The following RIOK1 variants were observed in gnomAD, a reference collection of about 807,000 sequenced individuals.
The protein encoded by RIOK1 is serine/threonine-protein kinase RIO1.
Under a neutral mutation model 73.5 loss-of-function variants are expected in RIOK1, and 66 were observed. The observed-to-expected ratio is 0.90, with a 90% confidence interval of 0.74 to 1.10. The LOEUF (loss-of-function observed/expected upper bound fraction) is 1.10. Among genes scored for constraint, RIOK1 ranks in the 50% least tolerant of loss-of-function variants. The pLI, the probability that RIOK1 is intolerant of heterozygous loss-of-function variation, is 0.00. For missense variants in RIOK1, 658 were observed against 699.8 expected (o/e 0.94, Z 0.67); for synonymous variants, 224 against 226.8 (o/e 0.99, Z 0.11).
rs1761885349 is a variant in RIOK1 at position 7,411,645 on chromosome 6, G to T, written c.1389+194G>T. 3.0e-5 allele frequency: 16 copies of T among 529,878 alleles called. No individual in the cohort carries two copies. In the South Asian group the frequency reaches 3.2e-4, roughly 11 times the overall value. The allele number at this position is 529,878 out of a possible 1,614,324, so 32.8% of individuals were successfully genotyped here. A position where few individuals can be genotyped will look rare whatever the true frequency, so the allele number is the denominator to read the frequency against. On this transcript the variant is annotated intron_variant, in intron 14 of 16. Coordinates refer to ENST00000379834, the MANE Select transcript of RIOK1 (RefSeq NM_031480.3). Reference sequence around the variant, plus strand: ...AATTATTTGGAATTTATGAGAGGAGGTAACACATTTGAATGAATCCAACAA... The same window carrying T: ...AATTATTTGGAATTTATGAGAGGAGTTAACACATTTGAATGAATCCAACAA...
At chr6:7,416,191 TACTC>T (rs1761995620) in intron 16 of RIOK1, among the ~76,000 whole-genome samples, 1 of 152,256 alleles carries the variant, frequency 6.6e-6, no homozygotes, top group African/African-American at 2.4e-5. Context: ...CTGAGGGACA[TACTC>T]AGCTGCTAGC....
At chr6:7,404,639 TCACAC>T in intron 10 of RIOK1, 84 bp downstream of exon 10, 2 of 1,489,888 alleles carry the variant, frequency 1.3e-6, no homozygotes, top group Non-Finnish European at 1.8e-6. Flanking sequence ...ATCCAAGAAG[TCACAC>T]TAACTTCTGA....
rs1270339125 is a variant in RIOK1 at position 7,409,817 on chromosome 6, CT to C, written c.1204-568del. Among the ~76,000 whole-genome samples the C allele has an allele frequency of 2.7e-5, 4 of 148,494 alleles. No individual in the cohort carries two copies. The East Asian group carries it at 8.0e-4, about 30-fold the overall frequency. On this transcript the variant is annotated intron_variant, in intron 12 of 16. Transcript: ENST00000379834. Reference sequence around the variant, plus strand: ...ACTCAAAAAAAAAAAAAAAAAAAACCTCTGCTCCCACTATTTTTTCCTTTCT... The same window carrying C: ...ACTCAAAAAAAAAAAAAAAAAAAACCCTGCTCCCACTATTTTTTCCTTTCT...
At position 7,405,024 on chromosome 6, in the gene RIOK1, G is replaced by C. The variant is rs1176659830; in HGVS notation, c.1096+3G>C. The C allele has an allele frequency of 1.2e-6, 2 of 1,610,948 alleles. No homozygotes were observed. Among genetic ancestry groups the C allele is most frequent in the Non-Finnish European group, 1.7e-6 (2 of 1,177,550 alleles). ...AAAGGATTGCGCCAACGTCAATGGT[G>C]AGTAGAAACGGCAATTTTCGAAACA... On this transcript the variant is annotated splice_donor_region_variant and intron_variant, in intron 11 of 16. Transcript: ENST00000379834.
At chr6:7,408,964 A>G (rs1481636533) in intron 12 of RIOK1, among the ~76,000 whole-genome samples, 1 of 151,678 alleles carries the variant, frequency 6.6e-6, no homozygotes, top group African/African-American at 2.4e-5. Flanking sequence ...CAGGTGATCC[A>G]TCCGCCTCGG....
At chr6:7,407,487 C>CTTT (rs759245691) in intron 12 of RIOK1, among the ~76,000 whole-genome samples, 12 of 140,312 alleles carry the variant, frequency 8.6e-5, no homozygotes, top group African/African-American at 2.1e-4. Flanking sequence ...GGAGAAATGT[C>CTTT]TTTTTTTTTT....
chr6:7,402,608 T>C lies in RIOK1; in HGVS notation c.579T>C (p.Asn193=), dbSNP rs1452924347. 3 of 1,592,000 alleles carry C rather than the reference T, an allele frequency of 1.9e-6. No individual in the cohort carries two copies. The highest frequency in any genetic ancestry group is 2.2e-5 in the East Asian group (1 of 44,744). The change falls in exon 7 of 17, where the codon AAT becomes AAC. Residue 193 remains asparagine (N), a synonymous_variant. Transcript: ENST00000379834. The part of the protein sequence containing the change: ...NGCISTGKEA[N]VYHASTANGE... The stretch of plus-strand genomic sequence containing the variant: ...TTTTTTTTGACTTAATATAGGCTAA[T>C]GTATACCATGCTAGCACAGCAAATG...
At chr6:7,393,554 G>A (rs1471316169) in intron 2 of RIOK1, among the ~76,000 whole-genome samples, 2 of 152,176 alleles carry the variant, frequency 1.3e-5, no homozygotes, top group Non-Finnish European at 2.9e-5. Context: ...AAATCTTCAT[G>A]GGAAAGGGCA....
chr6:7,401,803 C>T (rs1203006665), intron 6 of RIOK1, among the ~76,000 whole-genome samples: 3 of 151,162 alleles, frequency 2.0e-5, no homozygotes, highest in Non-Finnish European at 1.5e-5. Context: ...CTCACCCTCC[C>T]GAATAGCTGG....
intron 3 of RIOK1, 65 bp from the exon 4 acceptor site, chr6:7,396,638 C>G: frequency 1.1e-6 from 1 of 918,134 alleles, no homozygotes. Context: ...ATACCCTGTT[C>G]AGCAACTCTG....
At chr6:7,403,319 C>T (rs947968726) in intron 8 of RIOK1, among the ~76,000 whole-genome samples, 19 of 152,158 alleles carry the variant, frequency 1.2e-4, no homozygotes, top group Admixed American at 3.9e-4. Context: ...CTTGTTAGGT[C>T]GTGAACTCTT....
rs569141145 is a variant in RIOK1 at position 7,396,806 on chromosome 6, A to G, written c.437+34A>G. 1.6e-5 allele frequency: 19 copies of G among 1,157,056 alleles called. No homozygotes were observed. The South Asian group carries it at 2.3e-4, about 14-fold the overall frequency. 71.7% of individuals were successfully genotyped at this position (1,157,056 alleles called of 1,614,324 possible). A position where few individuals can be genotyped will look rare whatever the true frequency, so the allele number is the denominator to read the frequency against. ...TATTTTAATAATATGCATGGGTGATAAGGACTAATCTAGATTAAGCAGCAC... is the reference window on the plus strand; with the variant it reads ...TATTTTAATAATATGCATGGGTGATGAGGACTAATCTAGATTAAGCAGCAC... On this transcript the variant is annotated intron_variant, in intron 4 of 16. Transcript: ENST00000379834.
chr6:7,394,261 C>G (rs571145443), intron 2 of RIOK1, among the ~76,000 whole-genome samples: 1 of 152,304 alleles, frequency 6.6e-6, no homozygotes, highest in African/African-American at 2.4e-5. Context: ...TGGCGAAACC[C>G]TGTCTCTACT....
intron 6 of RIOK1, among the ~76,000 whole-genome samples, chr6:7,401,551 G>A (rs1365342566): frequency 1.3e-5 from 2 of 151,796 alleles, no homozygotes; most frequent in African/African-American, 4.8e-5. Context: ...TGTGAGTGTT[G>A]TGGCTCAATA....
chr6:7,413,031 ATAT>A, intron 15 of RIOK1, 89 bp downstream of exon 15: 2 of 625,752 alleles, frequency 3.2e-6, no homozygotes, highest in Non-Finnish European at 5.3e-6. Flanking sequence ...TTATTATTTA[ATAT>A]TATTAGAACT....
At chr6:7,396,210 G>A (rs886086487) in intron 3 of RIOK1, among the ~76,000 whole-genome samples, 2 of 152,000 alleles carry the variant, frequency 1.3e-5, no homozygotes, top group Non-Finnish European at 2.9e-5. Flanking sequence ...AGGAAGGAAG[G>A]CCATCTTTCT....
chr6:7,412,896 A>G lies in RIOK1; in HGVS notation c.1397A>G (p.Tyr466Cys). The G allele has an allele frequency of 6.5e-7, 1 of 1,537,506 alleles. No homozygotes were observed. Among genetic ancestry groups the G allele is most frequent in the Non-Finnish European group, 8.8e-7 (1 of 1,142,172 alleles). Residue 466 changes from tyrosine to cysteine, a missense_variant, in exon 15 of 17, where the codon TAC (tyrosine) becomes TGC (cysteine). Tyr to Cys is a radical substitution (Grantham distance 194). Transcript: ENST00000379834. ...TTTCATTTTGGTTATAAGATTCTAT[A>G]CCAGACTGTTACAGGATTGAAGAAA... Reference protein sequence around the residue: ...AMNAQQDNILYQTVTGLKKDL... With the variant: ...AMNAQQDNILCQTVTGLKKDL...
At chr6:7,394,887 C>T (rs1761433651) in intron 2 of RIOK1, 166 bp from the exon 3 acceptor site, 4 of 956,362 alleles carry the variant, frequency 4.2e-6, no homozygotes, top group African/African-American at 1.7e-5. Context: ...GTTTCAAATG[C>T]TCTTTAAAAA....
chr6:7,397,434 T>C (rs1487844280), intron 4 of RIOK1, among the ~76,000 whole-genome samples: 2 of 152,226 alleles, frequency 1.3e-5, no homozygotes, highest in African/African-American at 4.8e-5. Context: ...AATTATTCTT[T>C]CCCATGAAGT....
Sources: allele counts gnomAD v4.1 joint callset (sites outside exome capture counted in the v4.1 genomes callset), GRCh38; gene constraint gnomAD v4.1.1; transcripts MANE v1.5; gene names NCBI Gene and HGNC (gene_info 2026-07-23, HGNC 2026-07-21).